NUCB2: variants seen among roughly 807,000 people sequenced by gnomAD.
The protein encoded by NUCB2 is nucleobindin 2, also known as nucleobindin-2.
Under a neutral mutation model 57.9 loss-of-function variants are expected in NUCB2, and 48 were observed. The observed-to-expected ratio is 0.83, with a 90% CI of 0.66 to 1.05. The LOEUF is 1.05. Ranked by LOEUF, NUCB2 falls within the 50% of genes least tolerant of loss-of-function variation. The pLI is 0.00. For synonymous variants in NUCB2, 139 were observed against 152.1 expected, an observed-to-expected ratio of 0.91 and a Z score of 0.64; for missense variants, 442 against 476.2, an observed-to-expected ratio of 0.93 and a Z score of 0.67.
intron 4 of NUCB2, among the ~76,000 whole-genome samples, chr11:17,299,255 T>C (rs1946321222): frequency 6.6e-6 from 1 of 152,196 alleles, no homozygotes; most frequent in African/African-American, 2.4e-5. Context: ...ATATTGCTGT[T>C]TCCTACCTTC....
At chr11:17,311,475 C>T (rs555704667) in intron 8 of NUCB2, among the ~76,000 whole-genome samples, 192 bp downstream of exon 8, 1 of 152,220 alleles carries the variant, frequency 6.6e-6, no homozygotes, top group East Asian at 1.9e-4. Flanking sequence ...GTAGCTCTGT[C>T]TTTATACTGG....
intron 2 of NUCB2, among the ~76,000 whole-genome samples, 196 bp downstream of exon 2, chr11:17,283,139 T>C (rs1943037125): frequency 6.6e-6 from 1 of 152,232 alleles, no homozygotes; most frequent in South Asian, 2.1e-4. Flanking sequence ...ATCAGAGACT[T>C]AAGCTTCTTT....
chr11:17,277,429 T>A (rs1300666724), intron 1 of NUCB2, among the ~76,000 whole-genome samples: 3 of 152,170 alleles, frequency 2.0e-5, no homozygotes, highest in Non-Finnish European at 4.4e-5. Context: ...AATATGGTTA[T>A]TGTGGTTGGT....
Position 17,301,812 on chromosome 11 carries a change from A to G in NUCB2, c.321A>G (p.Lys107=). Reference sequence around the variant, plus strand: ...TGAGGACAAAACTTGATGAACTGAAAAGGCAAGAAGTAGGAAGGTTAAGAA... The same window carrying G: ...TGAGGACAAAACTTGATGAACTGAAGAGGCAAGAAGTAGGAAGGTTAAGAA... ...HHVRTKLDEL[K]RQEVGRLRML... The change falls in exon 5 of 14, where the codon AAA becomes AAG. Residue 107 remains lysine, a synonymous_variant. Coordinates refer to ENST00000529010, the MANE Select transcript of NUCB2 (RefSeq NM_005013.4). 2 of 1,613,316 alleles carry G rather than the reference A, an allele frequency of 1.2e-6. No individual in the cohort carries two copies. Among genetic ancestry groups the G allele is most frequent in the Non-Finnish European group, 1.7e-6 (2 of 1,179,222 alleles).
intron 11 of NUCB2, among the ~76,000 whole-genome samples, chr11:17,329,170 A>C (rs1482818138): frequency 6.6e-6 from 1 of 152,122 alleles, no homozygotes; most frequent in Non-Finnish European, 1.5e-5. Context: ...AAGATGCAAA[A>C]CAAAGCCCTC....
intron 5 of NUCB2, among the ~76,000 whole-genome samples, chr11:17,303,748 G>A (rs992088529): frequency 7.9e-5 from 12 of 152,006 alleles, no homozygotes; most frequent in Non-Finnish European, 1.6e-4. Flanking sequence ...AGCTGGGTGT[G>A]GTGGCACATG....
chr11:17,326,427 C>T (rs1455666863), intron 11 of NUCB2, among the ~76,000 whole-genome samples: 1 of 147,124 alleles, frequency 6.8e-6, no homozygotes, highest in East Asian at 2.1e-4. Flanking sequence ...AAGCGATTCT[C>T]CTGCCTCCCC....
In NUCB2 at chr11:17,323,484, G is replaced by A. The variant is rs146901471; in HGVS notation, c.1003-6643G>A. Among the ~76,000 whole-genome samples the A allele has an allele frequency of 2.0e-5, 3 of 152,162 alleles. No individual in the cohort carries two copies. The East Asian group carries it at 5.8e-4, about 29-fold the overall frequency. On this transcript the variant is annotated intron_variant, in intron 11 of 13. Transcript: ENST00000529010. ...GAACTCAGTTTGCTATTATTTTGTT[G>A]AGTATTTTTGCATTAATATCCACCA... is the stretch of plus-strand genomic sequence containing the variant.
intron 2 of NUCB2, among the ~76,000 whole-genome samples, chr11:17,345,443 T>C (rs943005802): frequency 3.9e-5 from 6 of 152,220 alleles, no homozygotes; most frequent in Admixed American, 3.3e-4. Context: ...GTGCGGTGGC[T>C]CACGCCTGTA....
chr11:17,308,623 G>C (rs1216292088), intron 5 of NUCB2, among the ~76,000 whole-genome samples: 2 of 152,076 alleles, frequency 1.3e-5, no homozygotes, highest in East Asian at 1.9e-4. Flanking sequence ...CTGGTGAGCT[G>C]TCTTGTATGT....
chr11:17,323,796 T>C (rs1364751782), intron 11 of NUCB2, among the ~76,000 whole-genome samples: 1 of 152,194 alleles, frequency 6.6e-6, no homozygotes, highest in Non-Finnish European at 1.5e-5. Context: ...AATTCAATCT[T>C]GGTAGTTTGT....
chr11:17,313,881 T>G (rs986308699), intron 10 of NUCB2, among the ~76,000 whole-genome samples: 1 of 152,128 alleles, frequency 6.6e-6, no homozygotes, highest in Non-Finnish European at 1.5e-5. Flanking sequence ...TCTCCTTAAG[T>G]GATAGTGTGG....
chr11:17,311,738 A>G, intron 8 of NUCB2, 134 bp from the exon 9 acceptor site: 1 of 564,194 alleles, frequency 1.8e-6, no homozygotes, highest in Non-Finnish European at 3.1e-6. Context: ...CATGACAAAG[A>G]ATAAATGCTT....
In NUCB2 at chr11:17,330,885, C is replaced by T. The variant is rs745434543; in HGVS notation, c.1174-17C>T. ...AAAATCAAGTTATACTTTTAACTTT[C>T]ATTTTCCATTCACCAGGTCATACAG... is the stretch of plus-strand genomic sequence containing the variant. On this transcript the variant is annotated splice_polypyrimidine_tract_variant and intron_variant, in intron 12 of 13. Coordinates refer to ENST00000529010, the MANE Select transcript of NUCB2 (RefSeq NM_005013.4). This position sits in a 1 kb window ranked among gnomAD's most constrained non-coding sequence, Gnocchi z 4.3. 5 of 1,475,436 alleles carry T rather than the reference C, an allele frequency of 3.4e-6. No individual in the cohort carries two copies. The African/African-American group carries it at 5.5e-5, about 16-fold the overall frequency. 91.4% of individuals were successfully genotyped at this position (1,475,436 alleles called of 1,614,324 possible). A position where few individuals can be genotyped will look rare whatever the true frequency, so the allele number is the denominator to read the frequency against.
chr11:17,296,305 G>T, intron 4 of NUCB2, 94 bp downstream of exon 4: 1 of 573,624 alleles, frequency 1.7e-6, no homozygotes, highest in Non-Finnish European at 2.9e-6. Flanking sequence ...TTGGCCTTGA[G>T]CTCCTGGGCT....
At chr11:17,331,317 C>A in intron 13 of NUCB2, 95 bp from the exon 14 acceptor site, 2 of 611,900 alleles carry the variant, frequency 3.3e-6, no homozygotes, top group Non-Finnish European at 5.3e-6. Context: ...ATTAGCTAAG[C>A]ATATTTTTTA....
chr11:17,343,662 A>G (rs2051773), intron 2 of NUCB2, among the ~76,000 whole-genome samples: 35,208 of 152,102 alleles, frequency 0.23, 4,895 homozygotes, highest in East Asian at 0.35. Flanking sequence ...GTAGTGATAT[A>G]TAGATGATTT....
At chr11:17,341,938 T>C (rs1952304865) in intron 2 of NUCB2, among the ~76,000 whole-genome samples, 1 of 152,214 alleles carries the variant, frequency 6.6e-6, no homozygotes, top group Non-Finnish European at 1.5e-5. Context: ...TGTGAATCCA[T>C]CTGGTCCTGG....
intron 10 of NUCB2, among the ~76,000 whole-genome samples, chr11:17,312,506 C>A (rs1948648126): frequency 6.6e-6 from 1 of 151,550 alleles, no homozygotes; most frequent in South Asian, 2.1e-4. Context: ...CAGATTCAAG[C>A]AATTCTCTGC....
Sources: allele counts gnomAD v4.1 joint callset (sites outside exome capture counted in the v4.1 genomes callset), GRCh38; gene constraint gnomAD v4.1.1; non-coding constraint Gnocchi (gnomAD v3.1); transcripts MANE v1.5; gene names NCBI Gene and HGNC (gene_info 2026-07-23, HGNC 2026-07-21).